The following ADAMTS3 variants were observed in gnomAD, a reference collection of about 807,000 sequenced individuals.
The protein encoded by ADAMTS3 is ADAM metallopeptidase with thrombospondin type 1 motif 3.
In ADAMTS3, 73 loss-of-function variants were observed where a neutral mutation model predicts 129.0. The ratio of observed to expected loss-of-function variants is 0.57; its 90% CI spans 0.47 to 0.69. The LOEUF (loss-of-function observed/expected upper bound fraction) is 0.69. Ranked by LOEUF, ADAMTS3 falls within the 30% of genes least tolerant of loss-of-function variation. The pLI is 0.00. For missense variants in ADAMTS3, 1,457 were observed against 1,514.5 expected (o/e 0.96, Z 0.63); for synonymous variants, 477 against 510.8 (o/e 0.93, Z 0.89).
intron 5 of ADAMTS3, among the ~76,000 whole-genome samples, chr4:72,326,800 T>C (rs1481112758): frequency 1.3e-5 from 2 of 152,196 alleles, no homozygotes; most frequent in African/African-American, 4.8e-5. Flanking sequence ...AAGATTCTTC[T>C]ATTTGAAATT....
intron 3 of ADAMTS3, among the ~76,000 whole-genome samples, chr4:72,469,563 C>G (rs890792894): frequency 6.6e-6 from 1 of 152,138 alleles, no homozygotes; most frequent in Non-Finnish European, 1.5e-5. Flanking sequence ...TCCCTCACCT[C>G]TCCGTGATCA....
At chr4:72,519,269 C>T (rs1351163742) in intron 3 of ADAMTS3, among the ~76,000 whole-genome samples, 1 of 151,352 alleles carries the variant, frequency 6.6e-6, no homozygotes, top group Non-Finnish European at 1.5e-5. Flanking sequence ...CTGCCCTTAA[C>T]ATTTTTTCCT....
rs749859863 is a variant in ADAMTS3 at position 72,414,928 on chromosome 4, G to C, written c.548C>G (p.Pro183Arg). ...CTCCATCTGTTTACCTCTTTCCAAG[G>C]GTTCAATGAAATACTCTTCATTATC... Reference protein sequence around the residue: ...KSDNEEYFIEPLERGKQMEEE... With the variant: ...KSDNEEYFIERLERGKQMEEE... Residue 183 changes from proline (P) to arginine (R), a missense_variant, in exon 4 of 22, where the codon CCC becomes CGC. Pro to Arg is a moderately radical substitution (Grantham distance 103). Coordinates refer to ENST00000286657, the MANE Select transcript of ADAMTS3 (RefSeq NM_014243.3). 1.9e-6 allele frequency: 3 copies of C among 1,573,084 alleles called. No individual in the cohort carries two copies. Among genetic ancestry groups the C allele is most frequent in the South Asian group, 1.2e-5 (1 of 84,846 alleles).
chr4:72,353,334 A>T (rs1333513452), intron 4 of ADAMTS3, among the ~76,000 whole-genome samples: 1 of 151,994 alleles, frequency 6.6e-6, no homozygotes, highest in African/African-American at 2.4e-5. Context: ...TCCACATGAG[A>T]CTTTGGTTAA....
At chr4:72,475,596 A>G (rs1719206816) in intron 3 of ADAMTS3, among the ~76,000 whole-genome samples, 1 of 152,070 alleles carries the variant, frequency 6.6e-6, no homozygotes, top group Admixed American at 6.5e-5. Context: ...GAAGAACTAA[A>G]CAGCTAGACA....
chr4:72,345,236 T>C (rs1045640943), intron 4 of ADAMTS3, among the ~76,000 whole-genome samples: 3 of 152,134 alleles, frequency 2.0e-5, no homozygotes, highest in Non-Finnish European at 2.9e-5. Flanking sequence ...TGTTATGAAA[T>C]GAAGTAACTG....
chr4:72,382,212 G>C (rs1721310987), intron 4 of ADAMTS3, among the ~76,000 whole-genome samples: 1 of 151,070 alleles, frequency 6.6e-6, no homozygotes, highest in Non-Finnish European at 1.5e-5. Context: ...CATAGTTAAT[G>C]ATAAAATCAA....
intron 2 of ADAMTS3, among the ~76,000 whole-genome samples, chr4:72,554,440 G>A (rs1219191774): frequency 1.3e-5 from 2 of 152,026 alleles, no homozygotes; most frequent in Non-Finnish European, 2.9e-5. Flanking sequence ...TAACCTGAAC[G>A]GCTCTGTTCT....
chr4:72,551,088 C>T (rs1721635437), intron 2 of ADAMTS3, among the ~76,000 whole-genome samples: 1 of 152,072 alleles, frequency 6.6e-6, no homozygotes. Context: ...GTCTGGCTGT[C>T]CCAGTAATCT....
intron 2 of ADAMTS3, among the ~76,000 whole-genome samples, chr4:72,553,353 T>G (rs2109795811): frequency 6.6e-6 from 1 of 152,304 alleles, no homozygotes; most frequent in Non-Finnish European, 1.5e-5. Context: ...GAGCCCTGCA[T>G]TCTTAAGAGC....
chr4:72,548,741 ACAACTGCTCAGGGTTGGAAGACACGT>A lies in ADAMTS3; in HGVS notation c.215_240del (p.Asp72ValfsTer3). 6.2e-7 allele frequency: 1 copy of A among 1,613,998 alleles called. No individual in the cohort carries two copies. The highest frequency in any genetic ancestry group is 8.5e-7 in the Non-Finnish European group (1 of 1,179,914). On this transcript the variant is annotated frameshift_variant, in exon 3 of 22. Transcript: ENST00000286657. LOFTEE classifies it high-confidence loss of function. ...TTTCCAAATGCCGTGATGTTAAAGA[ACAACTGCTCAGGGTTGGAAGACACGT>A]CCCTCGCTGACCTCTTTTTGTGACT...
At position 72,323,139 on chromosome 4, in the gene ADAMTS3, C is replaced by T. The variant is rs574999886; in HGVS notation, c.862-42G>A. 3.6e-5 allele frequency: 54 copies of T among 1,493,254 alleles called. No homozygotes were observed. The East Asian group carries it at 3.8e-4, about 11-fold the overall frequency. 92.5% of individuals were successfully genotyped at this position (1,493,254 alleles called of 1,614,324 possible). ...ATAATTGCTAAAAGAAAGGAAACAC[C>T]GAGGATTTCATGAGATGTACATATA... On this transcript the variant is annotated intron_variant, in intron 5 of 21. Coordinates refer to ENST00000286657, the MANE Select transcript of ADAMTS3 (RefSeq NM_014243.3).
chr4:72,506,608 T>A lies in ADAMTS3; in HGVS notation c.504+41870A>T, dbSNP rs140968669. On this transcript the variant is annotated intron_variant, in intron 3 of 21. Transcript: ENST00000286657. ...CTCAGTCCCACATCTAGGGAAATGC[T>A]TGCAGCTCTTTCTGGTATCTTTCCC... is the stretch of plus-strand genomic sequence containing the variant. Among the ~76,000 whole-genome samples, 137 of 152,342 alleles carry A rather than the reference T, an allele frequency of 9.0e-4. 1 individual carries two copies. Among genetic ancestry groups the A allele is most frequent in the African/African-American group, 2.8e-3 (118 of 41,586 alleles).
At chr4:72,400,239 G>A (rs1246687577) in intron 4 of ADAMTS3, among the ~76,000 whole-genome samples, 1 of 137,086 alleles carries the variant, frequency 7.3e-6, no homozygotes, top group Non-Finnish European at 1.6e-5. Flanking sequence ...GTGTATATAT[G>A]CACACATGGT....
intron 17 of ADAMTS3, among the ~76,000 whole-genome samples, chr4:72,302,190 G>A (rs72862307): frequency 0.082 from 12,416 of 151,610 alleles, 1,731 homozygotes; most frequent in African/African-American, 0.28. Context: ...AAGAAAAAAA[G>A]AAGCAGGAAA....
chr4:72,308,947 A>T (rs1719157516), intron 15 of ADAMTS3, among the ~76,000 whole-genome samples: 1 of 152,050 alleles, frequency 6.6e-6, no homozygotes, highest in Admixed American at 6.6e-5. Flanking sequence ...TAAACAGGAT[A>T]AAATTGTTCA....
In ADAMTS3 at chr4:72,457,361, T is replaced by G. The variant is rs146171647; in HGVS notation, c.505-42390A>C. Among the ~76,000 whole-genome samples the G allele has an allele frequency of 2.1e-3, 318 of 151,786 alleles. 1 individual carries two copies. Among genetic ancestry groups the G allele is most frequent in the African/African-American group, 7.2e-3 (299 of 41,488 alleles). On this transcript the variant is annotated intron_variant, in intron 3 of 21. Coordinates refer to ENST00000286657, the MANE Select transcript of ADAMTS3 (RefSeq NM_014243.3). ...ACTTGTAGTATAAGGGAATAAAATCTTAAGAGGTTTGGAATATTCAGTGGT... is the reference window on the plus strand; with the variant it reads ...ACTTGTAGTATAAGGGAATAAAATCGTAAGAGGTTTGGAATATTCAGTGGT...
intron 2 of ADAMTS3, among the ~76,000 whole-genome samples, chr4:72,566,902 T>A (rs775462003): frequency 6.6e-6 from 1 of 152,212 alleles, no homozygotes; most frequent in African/African-American, 2.4e-5. Context: ...GCAGATTGAA[T>A]AACAGAAGTC....
intron 3 of ADAMTS3, among the ~76,000 whole-genome samples, chr4:72,512,496 A>G (rs943015442): frequency 2.0e-5 from 3 of 152,212 alleles, no homozygotes; most frequent in Admixed American, 6.5e-5. Context: ...CGTCTCAAAA[A>G]TAAATGAATA....
Sources: gnomAD v4.1 joint callset for allele counts (sites outside exome capture counted in the v4.1 genomes callset) on GRCh38, gnomAD v4.1.1 for gene constraint, MANE v1.5 for transcripts, NCBI Gene and HGNC (gene_info 2026-07-23, HGNC 2026-07-21) for gene names.